Variants in FRMD4A observed in about 807,000 individuals in gnomAD.
FRMD4A encodes the protein FERM domain containing 4A.
In FRMD4A, 29 loss-of-function variants were observed where a neutral mutation model predicts 129.1. The ratio of observed to expected loss-of-function variants is 0.22; its 90% CI spans 0.17 to 0.31. The LOEUF (loss-of-function observed/expected upper bound fraction) is 0.31. Ranked by LOEUF, FRMD4A falls within the 10% of genes least tolerant of loss-of-function variation. The pLI, the probability that FRMD4A is intolerant of heterozygous loss-of-function variation, is 1.00. For missense variants in FRMD4A, 1,272 were observed against 1,375.8 expected, an observed-to-expected ratio of 0.92 and a Z score of 1.19; for synonymous variants, 634 against 571.6, an observed-to-expected ratio of 1.11 and a Z score of -1.56.
chr10:14,236,457 C>T (rs1012946871), intron 2 of FRMD4A, among the ~76,000 whole-genome samples: 11 of 152,220 alleles, frequency 7.2e-5, no homozygotes, highest in African/African-American at 2.7e-4. Context: ...GCTGAGGTCC[C>T]ACAGTCACAG....
chr10:13,895,943 GA>G (rs1279130763), intron 2 of FRMD4A, among the ~76,000 whole-genome samples: 5 of 152,180 alleles, frequency 3.3e-5, no homozygotes, highest in Non-Finnish European at 7.3e-5. Flanking sequence ...GGTCATCAGA[GA>G]AATGCAAATC....
At chr10:13,902,456 G>GGGGAGAGA (rs1554963857) in intron 2 of FRMD4A, among the ~76,000 whole-genome samples, 2 of 127,700 alleles carry the variant, frequency 1.6e-5, no homozygotes, top group Non-Finnish European at 3.2e-5. Context: ...GCAAAATACT[G>GGGGAGAGA]GAGAGAGAGA....
chr10:13,685,498 C>T, intron 15 of FRMD4A: 1 of 985,264 alleles, frequency 1.0e-6, no homozygotes, highest in Non-Finnish European at 1.2e-6. Flanking sequence ...GCTGACCTAT[C>T]TTCTGGGTCC....
intron 2 of FRMD4A, among the ~76,000 whole-genome samples, chr10:13,883,204 G>A (rs2094567132): frequency 6.6e-6 from 1 of 152,040 alleles, no homozygotes; most frequent in Non-Finnish European, 1.5e-5. Flanking sequence ...AAGAAACAAA[G>A]CTCTGCCAGG....
At chr10:14,091,291 A>T (rs1219986011) in intron 2 of FRMD4A, among the ~76,000 whole-genome samples, 1 of 152,172 alleles carries the variant, frequency 6.6e-6, no homozygotes, top group East Asian at 1.9e-4. Flanking sequence ...ATTAAAAAAA[A>T]GGCAAACAAA....
intron 2 of FRMD4A, among the ~76,000 whole-genome samples, chr10:13,879,363 C>T (rs1398562634): frequency 2.6e-5 from 4 of 151,914 alleles, no homozygotes; most frequent in African/African-American, 4.8e-5. Flanking sequence ...TTTTAAAAAA[C>T]GTAGCCAGGC....
At chr10:14,172,006 C>T (rs1258319770) in intron 2 of FRMD4A, among the ~76,000 whole-genome samples, 1 of 152,196 alleles carries the variant, frequency 6.6e-6, no homozygotes, top group Non-Finnish European at 1.5e-5. Flanking sequence ...AACATTTGGA[C>T]AGGGCAACTT....
Position 13,684,308 on chromosome 10 carries a change from T to C in FRMD4A, c.1118-9264A>G, listed in dbSNP as rs1445035506. The C allele has an allele frequency of 1.0e-5, 10 of 984,642 alleles. No homozygotes were observed. The East Asian group carries it at 3.4e-4, about 34-fold the overall frequency. The allele number at this position is 984,642 out of a possible 1,614,324, so 61.0% of individuals were successfully genotyped here. A position where few individuals can be genotyped will look rare whatever the true frequency, so the allele number is the denominator to read the frequency against. ...ATTCCCATCCAAGCAGAGAGAGAGA[T>C]GGAGTTACTCACGCCAAGTCAGAAA... is the stretch of plus-strand genomic sequence containing the variant. On this transcript the variant is annotated intron_variant, in intron 15 of 24. Transcript: ENST00000357447.
At chr10:14,166,318 T>C (rs901747712) in intron 2 of FRMD4A, among the ~76,000 whole-genome samples, 1 of 151,976 alleles carries the variant, frequency 6.6e-6, no homozygotes, top group Non-Finnish European at 1.5e-5. Flanking sequence ...CATGTGTCAT[T>C]ACTTCAAATA....
chr10:13,939,987 G>T (rs1237449096), intron 2 of FRMD4A, among the ~76,000 whole-genome samples: 1 of 152,154 alleles, frequency 6.6e-6, no homozygotes, highest in African/African-American at 2.4e-5. Flanking sequence ...GCAGCTCTTT[G>T]ATTGAAATAA....
At chr10:13,796,695 A>G (rs2093126541) in intron 4 of FRMD4A, 107 bp from the exon 5 acceptor site, 2 of 654,786 alleles carry the variant, frequency 3.1e-6, no homozygotes, top group Non-Finnish European at 5.6e-6. Flanking sequence ...GATAAATTTG[A>G]ACCTTCACCT....
intron 2 of FRMD4A, among the ~76,000 whole-genome samples, chr10:13,943,621 C>A (rs1214978601): frequency 2.5e-5 from 3 of 121,248 alleles, no homozygotes; most frequent in African/African-American, 9.4e-5. Context: ...GCACTCCAGC[C>A]TGGCGACAGA....
intron 3 of FRMD4A, among the ~76,000 whole-genome samples, chr10:13,816,957 G>T (rs576754939): frequency 3.7e-4 from 56 of 152,286 alleles, no homozygotes; most frequent in African/African-American, 1.3e-3. Context: ...TCTAAGACTG[G>T]CTTTCTCTTA....
At chr10:14,076,012 G>A (rs143947293) in intron 2 of FRMD4A, among the ~76,000 whole-genome samples, 436 of 152,294 alleles carry the variant, frequency 2.9e-3, no homozygotes, top group Middle Eastern at 0.014. Flanking sequence ...ATGGAACATT[G>A]ACCAGAAGAA....
intron 2 of FRMD4A, among the ~76,000 whole-genome samples, chr10:14,309,415 A>C (rs1469918342): frequency 6.6e-6 from 1 of 152,122 alleles, no homozygotes; most frequent in Non-Finnish European, 1.5e-5. Context: ...ATGCCACTGC[A>C]CTCCAGCCTG....
intron 2 of FRMD4A, among the ~76,000 whole-genome samples, chr10:13,987,090 G>A (rs1038469388): frequency 2.6e-5 from 4 of 152,112 alleles, no homozygotes; most frequent in Non-Finnish European, 4.4e-5. Flanking sequence ...ATCTAGGCTC[G>A]TAGCTCAACC....
In FRMD4A at chr10:13,656,800, T is replaced by C. The variant is rs2082187304; in HGVS notation, c.2789A>G (p.Gln930Arg). 2 of 1,587,730 alleles carry C rather than the reference T, an allele frequency of 1.3e-6. No individual in the cohort carries two copies. Among genetic ancestry groups the C allele is most frequent in the Non-Finnish European group, 1.7e-6 (2 of 1,169,112 alleles). Residue 930 changes from glutamine to arginine, a missense_variant, in exon 22 of 25, where the codon CAG becomes CGG. Transcript: ENST00000357447. Reference protein sequence around the residue: ...GRAAVSDELRQWYQRSTASHK... With the variant: ...GRAAVSDELRRWYQRSTASHK... ...CGAGGCGGTGGAACGCTGGTACCACTGGCGCAGCTCGTCTGAGACGGCGGC... is the reference window on the plus strand; with the variant it reads ...CGAGGCGGTGGAACGCTGGTACCACCGGCGCAGCTCGTCTGAGACGGCGGC...
intron 2 of FRMD4A, among the ~76,000 whole-genome samples, chr10:14,198,285 T>A (rs1223978110): frequency 6.6e-6 from 1 of 152,188 alleles, no homozygotes; most frequent in Non-Finnish European, 1.5e-5. Flanking sequence ...GTGATGGGGA[T>A]GTTCCCGCCC....
In FRMD4A at chr10:14,058,895, G is replaced by A. The variant is rs145921485; in HGVS notation, c.46-199983C>T. Among the ~76,000 whole-genome samples, 542 of 152,028 alleles carry A rather than the reference G, an allele frequency of 3.6e-3. 2 individuals are homozygous for A. The highest frequency in any genetic ancestry group is 0.012 in the African/African-American group (491 of 41,474). ...TGGACTTCTAGGTCACCTTGATCAC[G>A]CATAGTATCTACCCTTGGTTTAGAA... is the stretch of plus-strand genomic sequence containing the variant. On this transcript the variant is annotated intron_variant, in intron 2 of 24. Coordinates refer to ENST00000357447, the MANE Select transcript of FRMD4A (RefSeq NM_018027.5).
Sources: allele counts gnomAD v4.1 joint callset (sites outside exome capture counted in the v4.1 genomes callset), GRCh38; gene constraint gnomAD v4.1.1; transcripts MANE v1.5; gene names NCBI Gene and HGNC (gene_info 2026-07-23, HGNC 2026-07-21).